The following TAOK3 variants were observed in gnomAD, a reference collection of about 807,000 sequenced individuals.
TAOK3 encodes TAO kinase 3, also known as serine/threonine-protein kinase TAO3.
Under a neutral mutation model 120.4 loss-of-function variants are expected in TAOK3, and 40 were observed. That is an observed-to-expected ratio of 0.33 (90% confidence interval 0.26 to 0.43). TAOK3 has a LOEUF of 0.43. Among genes scored for constraint, TAOK3 ranks in the 20% least tolerant of loss-of-function variants. TAOK3 has a pLI of 1.00. For synonymous variants in TAOK3, 355 were observed against 387.5 expected, an observed-to-expected ratio of 0.92 and a Z score of 0.99; for missense variants, 821 against 1,112.1, an observed-to-expected ratio of 0.74 and a Z score of 3.72.
In TAOK3 at chr12:118,372,058, C is replaced by T. The variant is rs1008761556; in HGVS notation, c.-194+590G>A. Among the ~76,000 whole-genome samples, 1 of 152,034 alleles carries T rather than the reference C, an allele frequency of 6.6e-6. No homozygotes were observed. Among genetic ancestry groups the T allele is most frequent in the African/African-American group, 2.4e-5 (1 of 41,416 alleles). On this transcript the variant is annotated intron_variant, in intron 1 of 20. Transcript: ENST00000392533. The surrounding 1 kb of genome is among the most constrained non-coding windows in gnomAD (Gnocchi z 4.6). ...TGGCCCTTCCTGGGGTCTTCTCACA[C>T]TCTGTTCTAAGCCCTCTGGGGATCC...
chr12:118,194,822 C>T (rs192586055), intron 13 of TAOK3, among the ~76,000 whole-genome samples: 29 of 152,234 alleles, frequency 1.9e-4, no homozygotes, highest in Admixed American at 1.8e-3. Flanking sequence ...TCTTGGCTCA[C>T]TGCAACCTCT....
chr12:118,206,207 A>G (rs527679222), intron 11 of TAOK3, among the ~76,000 whole-genome samples: 5 of 152,234 alleles, frequency 3.3e-5, no homozygotes, highest in Non-Finnish European at 7.3e-5. Context: ...GCTACATGCT[A>G]AGGATGGTGA....
intron 3 of TAOK3, among the ~76,000 whole-genome samples, chr12:118,248,203 GAAAA>G (rs34130998): frequency 6.1e-5 from 7 of 115,484 alleles, no homozygotes; most frequent in Non-Finnish European, 1.3e-4. Context: ...ATGTCAAAAT[GAAAA>G]AAAAAAAAAC....
chr12:118,209,178 T>TA (rs1338454838), intron 11 of TAOK3, among the ~76,000 whole-genome samples: 1 of 152,144 alleles, frequency 6.6e-6, no homozygotes, highest in Non-Finnish European at 1.5e-5. Context: ...AAGAATGAGG[T>TA]AGCTTTGCAT....
At chr12:118,207,856 T>TCACACA (rs1368625660) in intron 11 of TAOK3, among the ~76,000 whole-genome samples, 1 of 49,606 alleles carries the variant, frequency 2.0e-5, no homozygotes, top group Non-Finnish European at 5.0e-5. Context: ...CGAGACTCTG[T>TCACACA]CTCACACACA....
chr12:118,226,679 A>C (rs1775137252), intron 9 of TAOK3, among the ~76,000 whole-genome samples: 1 of 152,248 alleles, frequency 6.6e-6, no homozygotes. Flanking sequence ...ATCAATTTGC[A>C]GAAATAGCTG....
chr12:118,154,992 A>T (rs1566223211), intron 19 of TAOK3, among the ~76,000 whole-genome samples: 1 of 146,738 alleles, frequency 6.8e-6, no homozygotes, highest in Non-Finnish European at 1.5e-5. Context: ...TGGTTTTGTA[A>T]ATATATATAT....
At chr12:118,177,818 T>C (rs778308628) in intron 15 of TAOK3, among the ~76,000 whole-genome samples, 2 of 151,550 alleles carry the variant, frequency 1.3e-5, no homozygotes, top group Non-Finnish European at 2.9e-5. Flanking sequence ...AGCAGAACTC[T>C]GTCTCAAAAA....
intron 5 of TAOK3, among the ~76,000 whole-genome samples, chr12:118,239,873 A>C (rs1373783732): frequency 1.3e-5 from 2 of 152,296 alleles, no homozygotes; most frequent in African/African-American, 4.8e-5. Context: ...TATTATTATA[A>C]TACTATTGAT....
chr12:118,196,105 T>C (rs918053777), intron 13 of TAOK3, among the ~76,000 whole-genome samples: 4 of 138,146 alleles, frequency 2.9e-5, no homozygotes, highest in Non-Finnish European at 4.8e-5. Flanking sequence ...AAAAGGAAGT[T>C]TGGATTAGGA....
intron 9 of TAOK3, among the ~76,000 whole-genome samples, chr12:118,217,992 T>G (rs2039020349): frequency 6.7e-6 from 1 of 150,174 alleles, no homozygotes; most frequent in Non-Finnish European, 1.5e-5. Context: ...CCCGAGTAGC[T>G]GGGACTACAG....
chr12:118,299,444 A>T (rs1176732860), intron 1 of TAOK3, among the ~76,000 whole-genome samples: 1 of 152,166 alleles, frequency 6.6e-6, no homozygotes, highest in East Asian at 1.9e-4. Context: ...TACGGTACTT[A>T]AGGTTTCTGA....
At chr12:118,318,492 T>C (rs1008892461) in intron 1 of TAOK3, among the ~76,000 whole-genome samples, 2 of 152,136 alleles carry the variant, frequency 1.3e-5, no homozygotes, top group African/African-American at 4.8e-5. Flanking sequence ...TGCATGACCA[T>C]GGATTTGGCA....
chr12:118,199,067 G>A lies in TAOK3; in HGVS notation c.1178C>T (p.Ser393Phe), dbSNP rs1292950904. The change falls in exon 13 of 21, where the codon TCC becomes TTC. Residue 393 changes from serine (S) to phenylalanine (F), a missense_variant. Coordinates refer to ENST00000392533, the MANE Select transcript of TAOK3 (RefSeq NM_016281.4). ...GAAACCTACTTTCTTATGCACGACG[G>A]AGGAGCTGGAATTGATTGTGCTTTC... ...DDESTINSSS[S>F]VVHKKDHVFI... 6.2e-7 allele frequency: 1 copy of A among 1,614,166 alleles called. No individual in the cohort carries two copies. Among genetic ancestry groups the A allele is most frequent in the South Asian group, 1.1e-5 (1 of 91,080 alleles).
intron 9 of TAOK3, among the ~76,000 whole-genome samples, chr12:118,228,250 C>G (rs2039602934): frequency 6.7e-6 from 1 of 150,296 alleles, no homozygotes; most frequent in Non-Finnish European, 1.5e-5. Context: ...CTTCTGGGTT[C>G]AAGCAATTCT....
intron 9 of TAOK3, among the ~76,000 whole-genome samples, chr12:118,222,527 C>G (rs2039286860): frequency 6.7e-6 from 1 of 148,202 alleles, no homozygotes; most frequent in Non-Finnish European, 1.5e-5. Flanking sequence ...GTGAGACTCC[C>G]TCTCGAAAAA....
chr12:118,161,158 T>C lies in TAOK3; in HGVS notation c.2139+630A>G, dbSNP rs1272118859. On this transcript the variant is annotated intron_variant, in intron 18 of 20. Transcript: ENST00000392533. The surrounding 1 kb of genome is among the most constrained non-coding windows in gnomAD (Gnocchi z 4.5). ...AGACGCATAGCCAGTGTGATCCAGG[T>C]TGGCCTCATATCTGTGGCAACACTG... Among the ~76,000 whole-genome samples, 2 of 152,208 alleles carry C rather than the reference T, an allele frequency of 1.3e-5. No homozygotes were observed. The highest frequency in any genetic ancestry group is 4.8e-5 in the African/African-American group (2 of 41,438).
intron 17 of TAOK3, 128 bp from the exon 18 acceptor site, chr12:118,162,155 T>G: frequency 8.4e-7 from 1 of 1,186,454 alleles, no homozygotes; most frequent in South Asian, 1.5e-5. Context: ...CATTAGTGTT[T>G]GGCAGCAGGA....
In TAOK3 at chr12:118,150,880, GA is replaced by G; in HGVS notation, c.*116del. 1 of 700,212 alleles carries G rather than the reference GA, an allele frequency of 1.4e-6. No individual in the cohort carries two copies. The highest frequency in any genetic ancestry group is 2.1e-6 in the Non-Finnish European group (1 of 481,414). 43.4% of individuals were successfully genotyped at this position (700,212 alleles called of 1,614,324 possible). A position where few individuals can be genotyped will look rare whatever the true frequency, so the allele number is the denominator to read the frequency against. ...TCCGACACGATGTCAGTAAGAGTAA[GA>G]GAGAGAGAGAGTGAGAGCAACGCCC... On this transcript the variant is annotated 3_prime_UTR_variant, in exon 21 of 21. Transcript: ENST00000392533.
Sources: allele counts gnomAD v4.1 joint callset (sites outside exome capture counted in the v4.1 genomes callset), GRCh38; gene constraint gnomAD v4.1.1; non-coding constraint Gnocchi (gnomAD v3.1); transcripts MANE v1.5; gene names NCBI Gene and HGNC (gene_info 2026-07-23, HGNC 2026-07-21).